Variants in PSMD14 observed in about 807,000 individuals in gnomAD.
PSMD14 encodes the protein proteasome 26S subunit, non-ATPase 14.
PSMD14 carries 7 observed loss-of-function variants against 41.2 expected under a neutral mutation model. The observed-to-expected ratio is 0.17, with a 90% CI of 0.10 to 0.32. PSMD14 has a LOEUF of 0.32. Ranked by LOEUF, PSMD14 falls within the 10% of genes least tolerant of loss-of-function variation. The probability of loss-of-function intolerance (pLI) is 1.00; values close to 1 mark genes in which losing one functional copy is unlikely to be tolerated. For missense variants in PSMD14, 139 were observed against 375.6 expected (o/e 0.37, Z 5.21); for synonymous variants, 114 against 122.3 (o/e 0.93, Z 0.45).
At chr2:161,377,595 C>T (rs1311162278) in intron 7 of PSMD14, among the ~76,000 whole-genome samples, 4 of 151,842 alleles carry the variant, frequency 2.6e-5, no homozygotes, top group South Asian at 2.1e-4. Flanking sequence ...GAGCATAAGT[C>T]GTATATAGAG....
In PSMD14 at chr2:161,368,158, G is replaced by A. The variant is rs116747328; in HGVS notation, c.240+255G>A. Among the ~76,000 whole-genome samples, 302 of 151,808 alleles carry A rather than the reference G, an allele frequency of 2.0e-3. 3 individuals are homozygous for A. Among genetic ancestry groups the A allele is most frequent in the African/African-American group, 6.8e-3 (283 of 41,530 alleles). On this transcript the variant is annotated intron_variant, in intron 5 of 11. Coordinates refer to ENST00000409682, the MANE Select transcript of PSMD14 (RefSeq NM_005805.6). ...TCTCAGTCCTTCGGCTTAAACTGGT[G>A]TAAAATACTGGATTTAAAAGTTACT...
chr2:161,360,283 C>T (rs565293664), intron 3 of PSMD14, among the ~76,000 whole-genome samples: 37 of 150,202 alleles, frequency 2.5e-4, no homozygotes, highest in African/African-American at 8.8e-4. Flanking sequence ...TTGACCTGGG[C>T]TCAAGTGATC....
intron 1 of PSMD14, among the ~76,000 whole-genome samples, chr2:161,310,676 A>AT (rs1310296247): frequency 6.6e-6 from 1 of 152,144 alleles, no homozygotes; most frequent in Non-Finnish European, 1.5e-5. Context: ...CTTTGGACGT[A>AT]TTTTTACAAC....
At chr2:161,388,040 A>G (rs889356012) in intron 8 of PSMD14, among the ~76,000 whole-genome samples, 4 of 152,066 alleles carry the variant, frequency 2.6e-5, no homozygotes, top group Non-Finnish European at 4.4e-5. Context: ...AGAGTTAACA[A>G]GCATTTATTT....
chr2:161,409,917 A>G (rs971538248), intron 11 of PSMD14, among the ~76,000 whole-genome samples: 2 of 152,174 alleles, frequency 1.3e-5, no homozygotes, highest in Middle Eastern at 3.4e-3. Context: ...TATTTTAATC[A>G]TAATACTAGA....
chr2:161,332,986 G>A (rs1354736681), intron 3 of PSMD14, among the ~76,000 whole-genome samples: 6 of 152,158 alleles, frequency 3.9e-5, no homozygotes, highest in Non-Finnish European at 8.8e-5. Context: ...CCTTAAATAA[G>A]TGTATAAGAG....
intron 8 of PSMD14, 83 bp from the exon 9 acceptor site, chr2:161,391,021 G>A (rs928746651): frequency 3.2e-6 from 4 of 1,254,382 alleles, no homozygotes; most frequent in South Asian, 2.0e-5. Context: ...CAGGTATTAT[G>A]TAAGAATATA....
At chr2:161,326,797 G>A (rs565094442) in intron 3 of PSMD14, among the ~76,000 whole-genome samples, 4 of 152,262 alleles carry the variant, frequency 2.6e-5, no homozygotes, top group Admixed American at 2.6e-4. Context: ...TAGTATTTGC[G>A]CATAACCTAG....
At chr2:161,379,923 G>T (rs1683553077) in intron 7 of PSMD14, among the ~76,000 whole-genome samples, 1 of 151,962 alleles carries the variant, frequency 6.6e-6, no homozygotes, top group Admixed American at 6.6e-5. Flanking sequence ...TCAGTTGTTG[G>T]CAGGGAGCTG....
chr2:161,333,468 A>G (rs1425685856), intron 3 of PSMD14, among the ~76,000 whole-genome samples: 2 of 152,228 alleles, frequency 1.3e-5, no homozygotes, highest in Non-Finnish European at 2.9e-5. Context: ...CAGGTTTCGG[A>G]CCTACCAACT....
chr2:161,329,724 G>A (rs1457060927), intron 3 of PSMD14, among the ~76,000 whole-genome samples: 6 of 152,108 alleles, frequency 3.9e-5, no homozygotes, highest in Admixed American at 2.0e-4. Context: ...TGCTGCTCTT[G>A]TGAGGTTATA....
At chr2:161,325,272 G>T (rs888826226) in intron 3 of PSMD14, among the ~76,000 whole-genome samples, 1 of 152,058 alleles carries the variant, frequency 6.6e-6, no homozygotes, top group Non-Finnish European at 1.5e-5. Flanking sequence ...AATGTGGTGA[G>T]ATATAGTGTA....
At chr2:161,399,319 T>C (rs1305448190) in intron 10 of PSMD14, among the ~76,000 whole-genome samples, 1 of 152,158 alleles carries the variant, frequency 6.6e-6, no homozygotes, top group African/African-American at 2.4e-5. Context: ...CTTCATAAAA[T>C]AACAACTAAC....
chr2:161,343,286 T>G (rs184021724), intron 3 of PSMD14, among the ~76,000 whole-genome samples: 6 of 152,316 alleles, frequency 3.9e-5, no homozygotes, highest in Admixed American at 2.0e-4. Context: ...ATCTCACTAT[T>G]CAAAGGACCT....
At position 161,393,835 on chromosome 2, in the gene PSMD14, A is replaced by G. The variant is rs373947760; in HGVS notation, c.646-1243A>G. ...AAAACCGTCTTAAAATATAAACTTG[A>G]AAACTTAGGAACATCTAAGAATAAG... On this transcript the variant is annotated intron_variant, in intron 9 of 11. Transcript: ENST00000409682. 3.3e-5 allele frequency among the ~76,000 whole-genome samples: 5 copies of G among 152,188 alleles called. No individual in the cohort carries two copies. The East Asian group carries it at 9.7e-4, about 29-fold the overall frequency.
At chr2:161,391,999 A>G (rs1683718261) in intron 9 of PSMD14, among the ~76,000 whole-genome samples, 1 of 152,174 alleles carries the variant, frequency 6.6e-6, no homozygotes, top group Admixed American at 6.5e-5. Flanking sequence ...CTAGATTCTG[A>G]TCCCATTTTA....
intron 3 of PSMD14, among the ~76,000 whole-genome samples, chr2:161,355,226 G>T (rs751888040): frequency 1.5e-4 from 23 of 152,114 alleles, no homozygotes; most frequent in Non-Finnish European, 2.6e-4. Flanking sequence ...TCAGCAGTGG[G>T]TGAAATTATG....
At chr2:161,384,983 T>A (rs1374845413) in intron 7 of PSMD14, 1 of 152,072 alleles carries the variant, frequency 6.6e-6, no homozygotes, top group Non-Finnish European at 1.5e-5. Context: ...GAAGAGAATA[T>A]GTGGGCAAGT....
At chr2:161,403,497 C>T (rs1683909516) in intron 10 of PSMD14, among the ~76,000 whole-genome samples, 1 of 152,122 alleles carries the variant, frequency 6.6e-6, no homozygotes. Flanking sequence ...TTGAATCGTA[C>T]ACTTTAAAAT....
Sources: gnomAD v4.1 joint callset for allele counts (sites outside exome capture counted in the v4.1 genomes callset) on GRCh38, gnomAD v4.1.1 for gene constraint, MANE v1.5 for transcripts, NCBI Gene and HGNC (gene_info 2026-07-23, HGNC 2026-07-21) for gene names.